Variants in ERO1A observed in about 807,000 individuals in gnomAD.
ERO1A encodes endoplasmic reticulum oxidoreductase 1 alpha, also known as ERO1-like protein alpha.
A neutral mutation model predicts 76.9 loss-of-function variants in ERO1A; 49 were observed. The ratio of observed to expected loss-of-function variants is 0.64; its 90% CI spans 0.51 to 0.81. The LOEUF (loss-of-function observed/expected upper bound fraction) is 0.81. ERO1A is among the 30% of genes least tolerant of loss of function. ERO1A has a pLI of 0.00. For missense variants in ERO1A, 448 were observed against 542.1 expected (o/e 0.83, Z 1.72); for synonymous variants, 174 against 181.2 (o/e 0.96, Z 0.32).
intron 15 of ERO1A, among the ~76,000 whole-genome samples, chr14:52,644,637 A>G (rs1299292202): frequency 1.3e-5 from 2 of 152,168 alleles, no homozygotes; most frequent in Non-Finnish European, 2.9e-5. Flanking sequence ...ACACAGAAAT[A>G]TCATTTTTAA....
At chr14:52,685,929 G>T (rs140536456) in intron 1 of ERO1A, among the ~76,000 whole-genome samples, 8 of 152,318 alleles carry the variant, frequency 5.3e-5, no homozygotes, top group African/African-American at 1.9e-4. Flanking sequence ...GCACACAGTA[G>T]ATGCTCAATA....
chr14:52,661,028 G>A (rs2040214928), intron 9 of ERO1A, among the ~76,000 whole-genome samples: 1 of 152,124 alleles, frequency 6.6e-6, no homozygotes, highest in African/African-American at 2.4e-5. Flanking sequence ...GGGGAGACGG[G>A]GAGTGGACAT....
chr14:52,663,330 T>C (rs888869301), intron 8 of ERO1A, among the ~76,000 whole-genome samples: 2 of 152,170 alleles, frequency 1.3e-5, no homozygotes, highest in African/African-American at 2.4e-5. Flanking sequence ...CCAGGGGCAG[T>C]GGCTCACACC....
intron 13 of ERO1A, among the ~76,000 whole-genome samples, chr14:52,647,350 G>A (rs1427937830): frequency 6.6e-6 from 1 of 150,778 alleles, no homozygotes; most frequent in Non-Finnish European, 1.5e-5. Flanking sequence ...GTATGAATAA[G>A]GTAAACAATC....
chr14:52,671,442 TC>T, intron 6 of ERO1A, 187 bp downstream of exon 6: 1 of 435,014 alleles, frequency 2.3e-6, no homozygotes, highest in Non-Finnish European at 4.1e-6. Context: ...ATAACTTTTT[TC>T]TGAGATGGGT....
rs2040311831 is a variant in ERO1A, at chr14:52,663,804, G to T, written c.673C>A (p.Gln225Lys). ...KRPLNPLASG[Q>K]GTSEENTFYS... ...ACAACGCAAATAAGTAATTTACCTTGACCAGAAGCCAAAGGATTTAAAGGT... is the reference window on the plus strand; with the variant it reads ...ACAACGCAAATAAGTAATTTACCTTTACCAGAAGCCAAAGGATTTAAAGGT... The change falls in exon 8 of 16, where the codon CAA becomes AAA. Residue 225 changes from glutamine to lysine, a missense_variant. Coordinates refer to ENST00000395686, the MANE Select transcript of ERO1A (RefSeq NM_014584.3). 1.3e-6 allele frequency: 2 copies of T among 1,568,980 alleles called. No individual in the cohort carries two copies. The highest frequency in any genetic ancestry group is 1.8e-6 in the Non-Finnish European group (2 of 1,141,356).
chr14:52,667,479 G>A (rs1270573785), intron 6 of ERO1A, among the ~76,000 whole-genome samples: 5 of 152,118 alleles, frequency 3.3e-5, no homozygotes, highest in Admixed American at 6.5e-5. Context: ...CAGCATTCTC[G>A]GAGGCCTGGG....
intron 15 of ERO1A, among the ~76,000 whole-genome samples, chr14:52,644,125 G>C (rs1944892414): frequency 6.6e-6 from 1 of 152,020 alleles, no homozygotes; most frequent in African/African-American, 2.4e-5. Flanking sequence ...GGGCAACATA[G>C]CCAGATCCTA....
chr14:52,644,827 A>G (rs1255985155), intron 15 of ERO1A, among the ~76,000 whole-genome samples: 2 of 152,270 alleles, frequency 1.3e-5, no homozygotes, highest in East Asian at 3.9e-4. Context: ...CGATCATGAA[A>G]AAAACAGAAT....
intron 8 of ERO1A, 37 bp downstream of exon 8, chr14:52,663,764 C>G (rs752339656): frequency 7.7e-7 from 1 of 1,296,992 alleles, no homozygotes; most frequent in East Asian, 2.3e-5. Context: ...AGTTCCCTGG[C>G]TGAGAAATAA....
chr14:52,672,733 C>A (rs1251573562), intron 4 of ERO1A, among the ~76,000 whole-genome samples: 1 of 147,250 alleles, frequency 6.8e-6, no homozygotes, highest in Non-Finnish European at 1.5e-5. Flanking sequence ...AATCTTACCA[C>A]TGCATTCCAG....
At chr14:52,660,541 A>G (rs1393710590) in intron 9 of ERO1A, among the ~76,000 whole-genome samples, 3 of 152,262 alleles carry the variant, frequency 2.0e-5, no homozygotes, top group Non-Finnish European at 2.9e-5. Flanking sequence ...CATTTTATTT[A>G]GCTGCTACAG....
At position 52,678,464 on chromosome 14, in the gene ERO1A, A is replaced by T; in HGVS notation, c.327T>A (p.Val109=). 1.2e-6 allele frequency: 2 copies of T among 1,612,706 alleles called. No individual in the cohort carries two copies. Among genetic ancestry groups the T allele is most frequent in the Non-Finnish European group, 1.7e-6 (2 of 1,179,268 alleles). ...AGCTCGCAGATTTAATTCCATCAGG[A>T]ACTTCATCCTGAAAAAGAAAAAAAT... ...CAVKPCQSDE[V]PDGIKSASYK... Residue 109 remains valine, a synonymous_variant, in exon 4 of 16, where the codon GTT becomes GTA. Transcript: ENST00000395686.
intron 7 of ERO1A, among the ~76,000 whole-genome samples, chr14:52,665,078 G>A (rs1446772370): frequency 6.6e-6 from 1 of 151,710 alleles, no homozygotes; most frequent in Non-Finnish European, 1.5e-5. Context: ...GAGGTGGGTG[G>A]ATCACCTGAG....
chr14:52,666,651 C>G (rs1369552280), intron 6 of ERO1A, among the ~76,000 whole-genome samples, 156 bp from the exon 7 acceptor site: 3 of 152,174 alleles, frequency 2.0e-5, no homozygotes, highest in Non-Finnish European at 4.4e-5. Flanking sequence ...AGGAAGGAGG[C>G]CGGGTGTGGT....
At chr14:52,670,660 G>A (rs939665769) in intron 6 of ERO1A, among the ~76,000 whole-genome samples, 3 of 152,088 alleles carry the variant, frequency 2.0e-5, no homozygotes, top group East Asian at 3.9e-4. Context: ...AAAGCAACAC[G>A]GACCATCATT....
chr14:52,658,381 T>C lies in ERO1A; in HGVS notation c.689-231A>G, dbSNP rs75453904. ...TAAAAGGCTTTAGCATTGCCTTAGG[T>C]TGACCCAGTCTCATAACGTTCTGGT... On this transcript the variant is annotated intron_variant, in intron 9 of 15. Transcript: ENST00000395686. 2.4e-3 allele frequency: 1,090 copies of C among 459,066 alleles called. 11 individuals are homozygous for C. Among genetic ancestry groups the C allele is most frequent in the African/African-American group, 0.021 (1,015 of 49,344 alleles). The allele number at this position is 459,066 out of a possible 1,614,324, so 28.4% of individuals were successfully genotyped here. A position where few individuals can be genotyped will look rare whatever the true frequency, so the allele number is the denominator to read the frequency against.
intron 13 of ERO1A, chr14:52,647,232 C>G (rs2139627569): frequency 7.4e-6 from 1 of 135,204 alleles, no homozygotes; most frequent in East Asian, 2.2e-4. Context: ...GATCTCCTGA[C>G]CTCGTGATCC....
intron 3 of ERO1A, 104 bp from the exon 4 acceptor site, chr14:52,678,576 C>G (rs1186429505): frequency 9.8e-7 from 1 of 1,023,574 alleles, no homozygotes; most frequent in Admixed American, 2.3e-5. Context: ...AACAAATTAT[C>G]GAAGTTGGAT....
Sources: allele counts gnomAD v4.1 joint callset (sites outside exome capture counted in the v4.1 genomes callset), GRCh38; gene constraint gnomAD v4.1.1; transcripts MANE v1.5; gene names NCBI Gene and HGNC (gene_info 2026-07-23, HGNC 2026-07-21).